C6orf89: variants seen among roughly 807,000 people sequenced by gnomAD.
C6orf89 encodes chromosome 6 open reading frame 89, also known as bombesin receptor-activated protein C6orf89.
Under a neutral mutation model 40.7 loss-of-function variants are expected in C6orf89, and 29 were observed. That is an observed-to-expected ratio of 0.71 (90% CI 0.53 to 0.97). C6orf89 has a LOEUF of 0.97. Among genes scored for constraint, C6orf89 ranks in the 50% least tolerant of loss-of-function variants. C6orf89 has a pLI of 0.00. For missense variants in C6orf89, 392 were observed against 429.1 expected (o/e 0.91, Z 0.76); for synonymous variants, 165 against 152.2 (o/e 1.08, Z -0.62).
chr6:36,885,790 G>A, upstream of C6orf89: 1 of 388,620 alleles, frequency 2.6e-6, no homozygotes, highest in Middle Eastern at 6.6e-4. Context: ...GCCAGGGGGA[G>A]CAAGAACCTA....
At chr6:36,888,203 G>A (rs1352940095) in intron 1 of C6orf89, among the ~76,000 whole-genome samples, 1 of 152,186 alleles carries the variant, frequency 6.6e-6, no homozygotes, top group East Asian at 1.9e-4. Flanking sequence ...TGGCCACACA[G>A]TAAGTGGTAA....
intron 1 of C6orf89, among the ~76,000 whole-genome samples, chr6:36,887,912 C>G (rs866302977): frequency 6.6e-6 from 1 of 151,932 alleles, no homozygotes; most frequent in African/African-American, 2.4e-5. Context: ...TTTGTAGATA[C>G]AGGGTCTTGC....
At chr6:36,876,739 AAAGAAG>A (rs1175385246) in intron 1 of C6orf89, among the ~76,000 whole-genome samples, 35 of 125,596 alleles carry the variant, frequency 2.8e-4, no homozygotes, top group African/African-American at 5.8e-4. Context: ...AAAAAAAAAA[AAAGAAG>A]AAGAAGAAGA....
chr6:36,912,115 A>G (rs1474178161), intron 4 of C6orf89, among the ~76,000 whole-genome samples: 1 of 152,120 alleles, frequency 6.6e-6, no homozygotes, highest in African/African-American at 2.4e-5. Context: ...AGAGCCAGAC[A>G]TGCTTCAAGC....
chr6:36,881,596 C>T (rs13190998), upstream of C6orf89, among the ~76,000 whole-genome samples: 211 of 152,220 alleles, frequency 1.4e-3, 3 homozygotes, highest in Admixed American at 0.014. Flanking sequence ...ATCGCTTGAA[C>T]CTGGGAGGCC....
Position 36,872,179 on chromosome 6 carries a change from T to C in C6orf89, c.-628+212T>C, listed in dbSNP as rs1000951496. ...ATATATATATAGCTATATCTGATTA[T>C]CTGAAACCAATATAACCAACCCCTA... On this transcript the variant is annotated intron_variant, in intron 1 of 9. Transcript: ENST00000359359. Among the ~76,000 whole-genome samples, 11 of 152,150 alleles carry C rather than the reference T, an allele frequency of 7.2e-5. No individual in the cohort carries two copies. The East Asian group carries it at 1.7e-3, about 24-fold the overall frequency.
intron 8 of C6orf89, among the ~76,000 whole-genome samples, chr6:36,922,183 A>G (rs1323890313): frequency 1.3e-5 from 2 of 151,794 alleles, no homozygotes; most frequent in African/African-American, 4.8e-5. Flanking sequence ...TACTAAAAAT[A>G]GAAAAAATTA....
At chr6:36,891,939 T>C (rs1291349731) in intron 1 of C6orf89, among the ~76,000 whole-genome samples, 1 of 152,236 alleles carries the variant, frequency 6.6e-6, no homozygotes, top group African/African-American at 2.4e-5. Flanking sequence ...TGTTCAGGAC[T>C]TACTTATCTC....
In C6orf89 at chr6:36,914,318, G is replaced by A. The variant is rs764965882; in HGVS notation, c.438G>A (p.Gln146=). Residue 146 remains glutamine, a synonymous_variant, in exon 5 of 9, where the codon CAG becomes CAA. Transcript: ENST00000480824. ...FDPWWTNDCE[Q]NESEPIPANC... The stretch of plus-strand genomic sequence containing the variant: ...CCTGGTGGACAAACGACTGTGAGCA[G>A]AATGAGTCAGAGCCCATTCCTGCCA... The A allele has an allele frequency of 5.6e-6, 9 of 1,614,150 alleles. No homozygotes were observed. The South Asian group carries it at 7.7e-5, about 14-fold the overall frequency.
chr6:36,895,535 A>G (rs1414298709), intron 2 of C6orf89, among the ~76,000 whole-genome samples: 2 of 152,190 alleles, frequency 1.3e-5, no homozygotes, highest in Non-Finnish European at 1.5e-5. Flanking sequence ...AGGTTTGTTA[A>G]AAAGGTATTA....
chr6:36,897,974 A>G (rs988704751), intron 2 of C6orf89, among the ~76,000 whole-genome samples: 2 of 152,254 alleles, frequency 1.3e-5, no homozygotes, highest in Admixed American at 1.3e-4. Flanking sequence ...AAAGCCCAGT[A>G]GAAGAGAGCA....
chr6:36,878,596 G>A (rs1349189517), intron 1 of C6orf89, among the ~76,000 whole-genome samples: 1 of 152,324 alleles, frequency 6.6e-6, no homozygotes, highest in Non-Finnish European at 1.5e-5. Flanking sequence ...AACTAAATAT[G>A]GCCTGAGAAG....
chr6:36,907,778 G>T (rs1026483555), intron 4 of C6orf89, among the ~76,000 whole-genome samples: 4 of 152,124 alleles, frequency 2.6e-5, no homozygotes, highest in Admixed American at 1.3e-4. Context: ...TTTCTGTCTG[G>T]TGCTTCAGGA....
intron 4 of C6orf89, among the ~76,000 whole-genome samples, chr6:36,909,329 A>G (rs949224588): frequency 2.0e-5 from 3 of 152,112 alleles, no homozygotes; most frequent in African/African-American, 7.2e-5. Context: ...ATTTTAATAA[A>G]TGCAACCAAA....
intron 8 of C6orf89, 53 bp from the exon 9 acceptor site, chr6:36,923,294 G>A: frequency 7.0e-7 from 1 of 1,420,032 alleles, no homozygotes. Context: ...GTGCCCACAG[G>A]TGTGCCCACC....
At chr6:36,921,770 A>G (rs1762517691) in intron 8 of C6orf89, among the ~76,000 whole-genome samples, 1 of 152,156 alleles carries the variant, frequency 6.6e-6, no homozygotes, top group Admixed American at 6.5e-5. Flanking sequence ...GCTCACACCT[A>G]TAATCCCAGC....
At chr6:36,885,514 T>C (rs1583142440), upstream of C6orf89, among the ~76,000 whole-genome samples, 1 of 152,206 alleles carries the variant, frequency 6.6e-6, no homozygotes. Flanking sequence ...CTCTCACTAA[T>C]GAGTGGGCTG....
intron 1 of C6orf89, among the ~76,000 whole-genome samples, chr6:36,894,004 A>G (rs1209396769): frequency 6.6e-6 from 1 of 150,718 alleles, no homozygotes; most frequent in Admixed American, 6.6e-5. Flanking sequence ...AGCCTGGGCA[A>G]CACAGCGAGA....
upstream of C6orf89, among the ~76,000 whole-genome samples, chr6:36,882,713 CTTTTTTT>C (rs1168220528): frequency 8.7e-6 from 1 of 115,446 alleles, no homozygotes; most frequent in South Asian, 2.7e-4. Context: ...TTGTCATTTT[CTTTTTTT>C]TTTTTTCTTT....
Sources: allele counts gnomAD v4.1 joint callset (sites outside exome capture counted in the v4.1 genomes callset), GRCh38; gene constraint gnomAD v4.1.1; transcripts MANE v1.5; gene names NCBI Gene and HGNC (gene_info 2026-07-23, HGNC 2026-07-21).